Variants in MGAT5B observed in about 807,000 individuals in gnomAD.
The protein encoded by MGAT5B is N-acetylglucosaminyl-transferase Vb.
MGAT5B carries 54 observed loss-of-function variants against 95.1 expected under a neutral mutation model. That is an observed-to-expected ratio of 0.57 (90% CI 0.46 to 0.71). The LOEUF (loss-of-function observed/expected upper bound fraction) is 0.71. MGAT5B is among the 30% of genes least tolerant of loss of function. The probability of loss-of-function intolerance (pLI) is 0.00; values close to 1 mark genes in which losing one functional copy is unlikely to be tolerated. For synonymous variants in MGAT5B, 464 were observed against 451.0 expected, an observed-to-expected ratio of 1.03 and a Z score of -0.36; for missense variants, 935 against 1,088.6, an observed-to-expected ratio of 0.86 and a Z score of 1.99.
chr17:76,908,113 C>T (rs1968597834), intron 8 of MGAT5B, among the ~76,000 whole-genome samples: 2 of 152,032 alleles, frequency 1.3e-5, no homozygotes, highest in African/African-American at 2.4e-5. Context: ...TGTGGCTTGC[C>T]TTTTTAATTT....
intron 12 of MGAT5B, among the ~76,000 whole-genome samples, chr17:76,937,134 C>A (rs1340603774): frequency 6.6e-6 from 1 of 152,066 alleles, no homozygotes; most frequent in Middle Eastern, 3.2e-3. Context: ...GGGGCCCTAG[C>A]AATCTCGGAT....
chr17:76,914,272 C>T lies in MGAT5B; in HGVS notation c.1025+8085C>T, dbSNP rs112182768. Among the ~76,000 whole-genome samples the T allele has an allele frequency of 0.027, 4,105 of 152,176 alleles. 167 individuals carry two copies. The highest frequency in any genetic ancestry group is 0.086 in the African/African-American group (3,556 of 41,496). On this transcript the variant is annotated intron_variant, in intron 8 of 17. Coordinates refer to ENST00000569840, the MANE Select transcript of MGAT5B (RefSeq NM_001199172.2). This position sits in a 1 kb window ranked among gnomAD's most constrained non-coding sequence, Gnocchi z 5.1. ...CAGTGGGCTGTGGGAGTGTGGAAGG[C>T]GGGATGGGGAGGACACAGCAGTCGT... is the stretch of plus-strand genomic sequence containing the variant.
intron 2 of MGAT5B, 89 bp from the exon 3 acceptor site, chr17:76,882,062 C>A: frequency 7.0e-7 from 1 of 1,436,190 alleles, no homozygotes; most frequent in East Asian, 2.4e-5. Flanking sequence ...ACTTTGGGGC[C>A]AGCTTTGTCT....
rs779466801 is a variant in MGAT5B at position 76,932,632 on chromosome 17, G to C, written c.1292-13G>C. ...TTTGGTGACCCCATTCCTTCTGCGT[G>C]CTCGGGCTGCAGCTCATACCCCCGA... On this transcript the variant is annotated splice_polypyrimidine_tract_variant and intron_variant, in intron 10 of 17. Coordinates refer to ENST00000569840, the MANE Select transcript of MGAT5B (RefSeq NM_001199172.2). 1 of 1,613,226 alleles carries C rather than the reference G, an allele frequency of 6.2e-7. No homozygotes were observed. Among genetic ancestry groups the C allele is most frequent in the Non-Finnish European group, 8.5e-7 (1 of 1,179,466 alleles).
rs1169358728 is a variant in MGAT5B, at chr17:76,870,561, C to G, written c.68+1464C>G. ...AAGCAGCCGCGAGACCCCAGCACCA[C>G]GGACAGTGCTCGCGACCCAGGGCTG... On this transcript the variant is annotated intron_variant, in intron 1 of 17. Transcript: ENST00000569840. This position sits in a 1 kb window ranked among gnomAD's most constrained non-coding sequence, Gnocchi z 5.0. 6.6e-6 allele frequency among the ~76,000 whole-genome samples: 1 copy of G among 152,198 alleles called. No individual in the cohort carries two copies. Among genetic ancestry groups the G allele is most frequent in the Non-Finnish European group, 1.5e-5 (1 of 68,030 alleles).
Position 76,868,478 on chromosome 17 carries a change from A to G in MGAT5B, c.-552A>G, listed in dbSNP as rs1227778849. 6.7e-6 allele frequency: 1 copy of G among 150,188 alleles called. No individual in the cohort carries two copies. Among genetic ancestry groups the G allele is most frequent in the African/African-American group, 2.4e-5 (1 of 41,132 alleles). 9.3% of individuals were successfully genotyped at this position (150,188 alleles called of 1,614,324 possible). The stretch of plus-strand genomic sequence containing the variant: ...CGCGCGGGGCCGGACGCCGGACACC[A>G]GAGCGCGGGCGGCGGAGCCAGCGGG... On this transcript the variant is annotated 5_prime_UTR_variant, in exon 1 of 18. Transcript: ENST00000569840. This position sits in a 1 kb window ranked among gnomAD's most constrained non-coding sequence, Gnocchi z 6.3.
Position 76,930,621 on chromosome 17 carries a change from G to A in MGAT5B, c.1292-2024G>A, listed in dbSNP as rs1472677662. On this transcript the variant is annotated intron_variant, in intron 10 of 17. Transcript: ENST00000569840. The surrounding 1 kb of genome is among the most constrained non-coding windows in gnomAD (Gnocchi z 4.1). ...ATGTTCCTCTTAACCCCTCCGTGGC[G>A]GACAGAGCTTTAGCAGTCACTGCAC... is the stretch of plus-strand genomic sequence containing the variant. Among the ~76,000 whole-genome samples, 2 of 152,186 alleles carry A rather than the reference G, an allele frequency of 1.3e-5. No homozygotes were observed. The highest frequency in any genetic ancestry group is 2.9e-5 in the Non-Finnish European group (2 of 68,024).
intron 15 of MGAT5B, among the ~76,000 whole-genome samples, chr17:76,943,623 T>TTGG (rs1555601403): frequency 2.3e-3 from 176 of 75,606 alleles, no homozygotes; most frequent in African/African-American, 7.1e-3. Flanking sequence ...TGGGGTGGGG[T>TTGG]GGGGGGGGGG....
At chr17:76,894,598 G>A (rs983740420) in intron 3 of MGAT5B, among the ~76,000 whole-genome samples, 1 of 152,156 alleles carries the variant, frequency 6.6e-6, no homozygotes, top group Non-Finnish European at 1.5e-5. Flanking sequence ...GCTCATGCCT[G>A]TAATCCCAGC....
intron 10 of MGAT5B, among the ~76,000 whole-genome samples, chr17:76,931,933 C>CGGGGG (rs1399881303): frequency 3.3e-5 from 5 of 152,072 alleles, no homozygotes; most frequent in African/African-American, 1.2e-4. Context: ...ACTGGTCACC[C>CGGGGG]GGGGGCCTCA....
Position 76,946,349 on chromosome 17 carries a change from C to G in MGAT5B, c.1849-27C>G, listed in dbSNP as rs1323712574. 8 of 1,593,886 alleles carry G rather than the reference C, an allele frequency of 5.0e-6. No homozygotes were observed. In the Middle Eastern group the frequency reaches 8.4e-4, roughly 166 times the overall value. ...CCCGACGGCTGGGCCTTCTCCCGCC[C>G]CATGTGTCTGCCCATCCCTCCCACA... On this transcript the variant is annotated intron_variant, in intron 15 of 17. Coordinates refer to ENST00000569840, the MANE Select transcript of MGAT5B (RefSeq NM_001199172.2).
Position 76,916,743 on chromosome 17 carries a change from C to T in MGAT5B, c.1026-8223C>T, listed in dbSNP as rs889604369. On this transcript the variant is annotated intron_variant, in intron 8 of 17. Coordinates refer to ENST00000569840, the MANE Select transcript of MGAT5B (RefSeq NM_001199172.2). The surrounding 1 kb of genome is among the most constrained non-coding windows in gnomAD (Gnocchi z 5.3). ...CAGGGCCTCTGTGAATCTCAGGGGT[C>T]GTGGGTTCTCGAGAAGGGATGAGGG... is the stretch of plus-strand genomic sequence containing the variant. Among the ~76,000 whole-genome samples the T allele has an allele frequency of 6.6e-6, 1 of 152,112 alleles. No homozygotes were observed. Among genetic ancestry groups the T allele is most frequent in the Non-Finnish European group, 1.5e-5 (1 of 68,014 alleles).
At position 76,903,342 on chromosome 17, in the gene MGAT5B, AC is replaced by A. The variant is rs1968391622; in HGVS notation, c.489del (p.Lys164SerfsTer80). 2 of 1,610,044 alleles carry A rather than the reference AC, an allele frequency of 1.2e-6. No homozygotes were observed. The highest frequency in any genetic ancestry group is 1.3e-5 in the African/African-American group (1 of 74,636). On this transcript the variant is annotated frameshift_variant, in exon 5 of 18. Transcript: ENST00000569840. LOFTEE classifies it high-confidence loss of function. The part of the protein sequence containing the change: ...GRRDQCEAPS[D>X]PKFPDCSGKV... ...CGGGACCAGTGTGAGGCACCCAGTG[AC>A]CCCAAGTTCCCTGACTGCTCAGGGA...
Position 76,900,519 on chromosome 17 carries a change from C to T in MGAT5B, c.330-2036C>T, listed in dbSNP as rs754371791. ...CACAGACACACACAGGGGAGAAGGC[C>T]GTGTGAAGGCGGAGGCAGAGGTCGG... On this transcript the variant is annotated intron_variant, in intron 3 of 17. Transcript: ENST00000569840. Among the ~76,000 whole-genome samples the T allele has an allele frequency of 4.4e-4, 67 of 152,298 alleles. No individual in the cohort carries two copies. In the Middle Eastern group the frequency reaches 0.01, roughly 23 times the overall value.
At position 76,925,049 on chromosome 17, in the gene MGAT5B, G is replaced by A. The variant is rs761889728; in HGVS notation, c.1109G>A (p.Gly370Asp). ...PFDLIYTDYH[G>D]LQQMKRHMGL... ...GACCTCATCTACACCGACTACCACG[G>A]CCTGCAGCAGATGAAGCGGCACATG... Residue 370 changes from glycine (G) to aspartate (D), a missense_variant, in exon 9 of 18, where the codon GGC becomes GAC. This residue lies in a region of MGAT5B where 243 missense variants were observed against 305.5 expected (regional missense o/e 0.80). Transcript: ENST00000569840. 1.2e-6 allele frequency: 2 copies of A among 1,611,520 alleles called. No homozygotes were observed. The highest frequency in any genetic ancestry group is 4.5e-5 in the East Asian group (2 of 44,742).
intron 2 of MGAT5B, among the ~76,000 whole-genome samples, chr17:76,878,171 C>T (rs1194086743): frequency 6.6e-6 from 1 of 152,076 alleles, no homozygotes; most frequent in Non-Finnish European, 1.5e-5. Context: ...TCGGCCTGAC[C>T]TGCTTCCCTC....
At chr17:76,877,920 G>A (rs1967253222) in intron 2 of MGAT5B, among the ~76,000 whole-genome samples, 2 of 151,890 alleles carry the variant, frequency 1.3e-5, no homozygotes, top group South Asian at 2.1e-4. Flanking sequence ...AACACATCCC[G>A]TCTGTAAATG....
intron 2 of MGAT5B, among the ~76,000 whole-genome samples, chr17:76,880,380 G>A (rs1260751710): frequency 6.6e-6 from 1 of 152,192 alleles, no homozygotes. Context: ...GGGGAGCCCA[G>A]CCAGGGGGTG....
rs529909978 is a variant in MGAT5B, at chr17:76,880,388, G to T, written c.182-1763G>T. On this transcript the variant is annotated intron_variant, in intron 2 of 17. Coordinates refer to ENST00000569840, the MANE Select transcript of MGAT5B (RefSeq NM_001199172.2). The stretch of plus-strand genomic sequence containing the variant: ...CCTGGCAGGGGAGCCCAGCCAGGGG[G>T]TGACTTATATCAGGGTGGGAACGTG... 2.0e-5 allele frequency among the ~76,000 whole-genome samples: 3 copies of T among 152,286 alleles called. 1 individual carries two copies. Among genetic ancestry groups the T allele is most frequent in the South Asian group, 2.1e-4 (1 of 4,826 alleles).
Sources: gnomAD v4.1 joint callset for allele counts (sites outside exome capture counted in the v4.1 genomes callset) on GRCh38, gnomAD v4.1.1 for gene constraint, gnomAD v4.1.1 regional missense constraint, Gnocchi (gnomAD v3.1) non-coding constraint, MANE v1.5 for transcripts, NCBI Gene and HGNC (gene_info 2026-07-23, HGNC 2026-07-21) for gene names.